The following ZFYVE9 variants were observed in gnomAD, a reference collection of about 807,000 sequenced individuals.
The protein encoded by ZFYVE9 is zinc finger FYVE-type containing 9.
Under a neutral mutation model 126.7 loss-of-function variants are expected in ZFYVE9, and 43 were observed. That is an observed-to-expected ratio of 0.34 (90% confidence interval 0.27 to 0.44). The LOEUF (loss-of-function observed/expected upper bound fraction) is 0.44. ZFYVE9 is among the 20% of genes least tolerant of loss of function. ZFYVE9 has a pLI of 1.00. For missense variants in ZFYVE9, 1,476 were observed against 1,697.0 expected, an observed-to-expected ratio of 0.87 and a Z score of 2.29; for synonymous variants, 521 against 597.4, an observed-to-expected ratio of 0.87 and a Z score of 1.87.
At chr1:52,320,294 T>G (rs1161463449) in intron 13 of ZFYVE9, among the ~76,000 whole-genome samples, 2 of 152,084 alleles carry the variant, frequency 1.3e-5, no homozygotes, top group East Asian at 3.9e-4. Context: ...GGTCTCGAAC[T>G]CCTGACCTCA....
intron 16 of ZFYVE9, among the ~76,000 whole-genome samples, chr1:52,339,564 T>G (rs1569786785): frequency 6.6e-6 from 1 of 152,198 alleles, no homozygotes; most frequent in South Asian, 2.1e-4. Context: ...GTGCTGGGAT[T>G]ACAGGCGTGA....
chr1:52,260,689 C>T (rs1645570432), intron 4 of ZFYVE9, among the ~76,000 whole-genome samples: 1 of 152,128 alleles, frequency 6.6e-6, no homozygotes, highest in South Asian at 2.1e-4. Flanking sequence ...TGGTGGCACA[C>T]ACCTGTAATC....
chr1:52,213,479 T>C (rs1645045645), intron 1 of ZFYVE9, among the ~76,000 whole-genome samples: 1 of 151,940 alleles, frequency 6.6e-6, no homozygotes. Context: ...AGTGAAACCC[T>C]GTCTCTACTA....
At chr1:52,285,372 G>A (rs1238537610) in intron 10 of ZFYVE9, among the ~76,000 whole-genome samples, 8 of 152,100 alleles carry the variant, frequency 5.3e-5, no homozygotes, top group Admixed American at 1.3e-4. Context: ...GTATTGGTCC[G>A]TGGCCTGTTA....
At chr1:52,183,240 A>AT (rs1362782289) in intron 1 of ZFYVE9, among the ~76,000 whole-genome samples, 1 of 152,168 alleles carries the variant, frequency 6.6e-6, no homozygotes, top group Non-Finnish European at 1.5e-5. Flanking sequence ...CACTTAGAGT[A>AT]TGTTGTAAAG....
At chr1:52,266,067 A>G (rs941508928) in intron 5 of ZFYVE9, among the ~76,000 whole-genome samples, 1 of 152,180 alleles carries the variant, frequency 6.6e-6, no homozygotes, top group African/African-American at 2.4e-5. Flanking sequence ...TTGATCTGCT[A>G]TCAGTCTATC....
chr1:52,199,716 A>G (rs764703514), intron 1 of ZFYVE9, among the ~76,000 whole-genome samples: 14 of 152,236 alleles, frequency 9.2e-5, no homozygotes, highest in Non-Finnish European at 1.8e-4. Context: ...TTGCTGGATC[A>G]TATTTTAAGA....
At chr1:52,202,087 A>C (rs143531401) in intron 1 of ZFYVE9, among the ~76,000 whole-genome samples, 2 of 152,296 alleles carry the variant, frequency 1.3e-5, no homozygotes, top group Admixed American at 1.3e-4. Context: ...CACAGCCCAA[A>C]GTGATTATTG....
chr1:52,175,680 T>A (rs1005624030), intron 1 of ZFYVE9, among the ~76,000 whole-genome samples: 4 of 152,190 alleles, frequency 2.6e-5, no homozygotes, highest in South Asian at 2.1e-4. Context: ...ATAGTCCCAT[T>A]TTTCTTGGAG....
chr1:52,234,934 T>C (rs1645259971), intron 3 of ZFYVE9, among the ~76,000 whole-genome samples: 1 of 152,232 alleles, frequency 6.6e-6, no homozygotes. Context: ...ATGTGAATAC[T>C]ATGCTTCTAG....
chr1:52,319,209 C>A (rs1032413040), intron 13 of ZFYVE9, among the ~76,000 whole-genome samples: 12 of 152,124 alleles, frequency 7.9e-5, no homozygotes, highest in Non-Finnish European at 1.2e-4. Context: ...AATTTAAAGA[C>A]CTAAGTAGAG....
chr1:52,319,796 C>T (rs527461271), intron 13 of ZFYVE9, among the ~76,000 whole-genome samples: 43 of 149,936 alleles, frequency 2.9e-4, no homozygotes, highest in Non-Finnish European at 4.6e-4. Flanking sequence ...GGGCAGATCA[C>T]GAGGTCAGGA....
chr1:52,185,873 TTG>T (rs1316999412), intron 1 of ZFYVE9, among the ~76,000 whole-genome samples: 4 of 150,716 alleles, frequency 2.7e-5, no homozygotes, highest in African/African-American at 4.9e-5. Flanking sequence ...TGAGCCGAGA[TTG>T]CGCCACTGCA....
At chr1:52,246,496 T>C (rs1353376631) in intron 4 of ZFYVE9, among the ~76,000 whole-genome samples, 1 of 151,484 alleles carries the variant, frequency 6.6e-6, no homozygotes, top group Non-Finnish European at 1.5e-5. Flanking sequence ...CAGAGATCAG[T>C]TTTCTTAAGG....
At chr1:52,148,097 C>T (rs926126780) in intron 1 of ZFYVE9, among the ~76,000 whole-genome samples, 3 of 150,388 alleles carry the variant, frequency 2.0e-5, no homozygotes, top group Admixed American at 1.3e-4. Flanking sequence ...CTTTTATTTA[C>T]AGTCATTAGG....
At chr1:52,327,246 A>G (rs1646299768) in intron 13 of ZFYVE9, among the ~76,000 whole-genome samples, 1 of 152,156 alleles carries the variant, frequency 6.6e-6, no homozygotes, top group African/African-American at 2.4e-5. Context: ...AAAAGTACAG[A>G]GAATGTGCTA....
At chr1:52,184,759 G>A (rs550251035) in intron 1 of ZFYVE9, among the ~76,000 whole-genome samples, 30 of 152,018 alleles carry the variant, frequency 2.0e-4, no homozygotes, top group African/African-American at 6.0e-4. Context: ...AACTGAGTGC[G>A]GTGACCTATA....
At chr1:52,303,042 G>A (rs964637979) in intron 12 of ZFYVE9, among the ~76,000 whole-genome samples, 28 of 151,226 alleles carry the variant, frequency 1.9e-4, no homozygotes, top group Middle Eastern at 3.5e-3. Context: ...CCCTGGAGGC[G>A]GAGGTTGTAC....
intron 13 of ZFYVE9, among the ~76,000 whole-genome samples, chr1:52,327,256 A>G (rs893971839): frequency 2.6e-5 from 4 of 152,156 alleles, no homozygotes; most frequent in African/African-American, 4.8e-5. Context: ...AGAATGTGCT[A>G]TGGCATTTCA....
Sources: allele counts gnomAD v4.1 joint callset (sites outside exome capture counted in the v4.1 genomes callset), GRCh38; gene constraint gnomAD v4.1.1; transcripts MANE v1.5; gene names NCBI Gene and HGNC (gene_info 2026-07-23, HGNC 2026-07-21).